The following BAALC variants were observed in gnomAD, a reference collection of about 807,000 sequenced individuals.
BAALC encodes brain and acute leukemia cytoplasmic protein.
In BAALC, 9 loss-of-function variants were observed where a neutral mutation model predicts 15.5. The observed-to-expected ratio is 0.58, with a 90% CI of 0.35 to 1.02. BAALC has a LOEUF of 1.02. Among genes scored for constraint, BAALC ranks in the 50% least tolerant of loss-of-function variants. BAALC has a pLI of 0.02. For missense variants in BAALC, 201 were observed against 192.4 expected (o/e 1.04, Z -0.27); for synonymous variants, 80 against 74.6 (o/e 1.07, Z -0.37).
At chr8:103,148,982 C>T (rs550862981) in intron 1 of BAALC, among the ~76,000 whole-genome samples, 85 of 152,274 alleles carry the variant, frequency 5.6e-4, no homozygotes, top group African/African-American at 1.5e-3. Flanking sequence ...TATCACCCTC[C>T]GAAATAACCT....
intron 1 of BAALC, among the ~76,000 whole-genome samples, chr8:103,210,120 C>T (rs1286747089): frequency 6.6e-6 from 1 of 152,184 alleles, no homozygotes; most frequent in Non-Finnish European, 1.5e-5. Context: ...TGTTCATACA[C>T]ATGCATCTCA....
intron 1 of BAALC, among the ~76,000 whole-genome samples, chr8:103,155,330 T>A (rs1448798643): frequency 6.6e-6 from 1 of 151,912 alleles, no homozygotes; most frequent in East Asian, 1.9e-4. Flanking sequence ...AATGTAATAA[T>A]AATTCAGTCA....
chr8:103,152,784 G>A (rs1203576092), intron 1 of BAALC, among the ~76,000 whole-genome samples: 3 of 152,174 alleles, frequency 2.0e-5, no homozygotes, highest in South Asian at 2.1e-4. Flanking sequence ...ACCCAGTCAC[G>A]GACACTGTGG....
intron 1 of BAALC, among the ~76,000 whole-genome samples, chr8:103,147,588 G>T (rs1810903809): frequency 6.6e-6 from 1 of 152,042 alleles, no homozygotes; most frequent in Non-Finnish European, 1.5e-5. Flanking sequence ...TGGACTCCTG[G>T]AGGTCCAACC....
At chr8:103,226,031 G>A (rs1478081154) in intron 2 of BAALC, among the ~76,000 whole-genome samples, 4 of 152,176 alleles carry the variant, frequency 2.6e-5, no homozygotes, top group African/African-American at 7.2e-5. Flanking sequence ...GTGTTCAGGG[G>A]CCATGTTGTT....
At chr8:103,172,152 G>C (rs1811510891) in intron 1 of BAALC, 1 of 151,370 alleles carries the variant, frequency 6.6e-6, no homozygotes, top group South Asian at 2.1e-4. Context: ...TGTTTCCATG[G>C]GGAAGTGTTT....
chr8:103,170,442 TA>T (rs1811457355), intron 1 of BAALC, among the ~76,000 whole-genome samples: 5 of 152,294 alleles, frequency 3.3e-5, no homozygotes, highest in African/African-American at 1.2e-4. Context: ...TATATGATAT[TA>T]AGGTGAACCT....
chr8:103,192,933 C>A (rs1325558209), intron 1 of BAALC, among the ~76,000 whole-genome samples: 1 of 152,212 alleles, frequency 6.6e-6, no homozygotes, highest in Non-Finnish European at 1.5e-5. Context: ...CCACCAGGGA[C>A]AAGGAATGAG....
At chr8:103,148,891 G>C (rs1482852767) in intron 1 of BAALC, among the ~76,000 whole-genome samples, 1 of 152,146 alleles carries the variant, frequency 6.6e-6, no homozygotes, top group Non-Finnish European at 1.5e-5. Context: ...TTTCCTGGCT[G>C]TTTAGATTCA....
intron 1 of BAALC, among the ~76,000 whole-genome samples, 155 bp from the exon 2 acceptor site, chr8:103,212,764 A>T (rs1477345313): frequency 1.3e-5 from 2 of 152,222 alleles, no homozygotes; most frequent in African/African-American, 4.8e-5. Context: ...TAAAAAGCAT[A>T]TATGTTCTTA....
At chr8:103,159,773 A>G (rs1316689704) in intron 1 of BAALC, among the ~76,000 whole-genome samples, 4 of 151,998 alleles carry the variant, frequency 2.6e-5, no homozygotes, top group Non-Finnish European at 4.4e-5. Context: ...ATGTTTTTAT[A>G]GGCTCATTCT....
At chr8:103,177,013 A>G (rs1166626539) in intron 1 of BAALC, among the ~76,000 whole-genome samples, 1 of 152,102 alleles carries the variant, frequency 6.6e-6, no homozygotes, top group African/African-American at 2.4e-5. Context: ...AAATTTAGAC[A>G]AAGTATGCTT....
intron 1 of BAALC, among the ~76,000 whole-genome samples, chr8:103,181,040 G>A (rs939776909): frequency 1.3e-5 from 2 of 152,102 alleles, no homozygotes; most frequent in East Asian, 1.9e-4. Context: ...TAGGTTTCGT[G>A]ATGAGGTTTT....
At chr8:103,181,770 T>C (rs36016728) in intron 1 of BAALC, among the ~76,000 whole-genome samples, 17,608 of 152,190 alleles carry the variant, frequency 0.12, 1,300 homozygotes, top group East Asian at 0.34. Flanking sequence ...TATTAGCAGT[T>C]TCTATGGGCC....
chr8:103,152,605 G>A (rs533389032), intron 1 of BAALC, among the ~76,000 whole-genome samples: 1 of 152,366 alleles, frequency 6.6e-6, no homozygotes, highest in African/African-American at 2.4e-5. Context: ...GCTTAGAACA[G>A]TGCCCAGCAC....
At chr8:103,179,697 G>C (rs1811683814) in intron 1 of BAALC, among the ~76,000 whole-genome samples, 1 of 152,238 alleles carries the variant, frequency 6.6e-6, no homozygotes, top group African/African-American at 2.4e-5. Context: ...AAACTTTGTG[G>C]GTACCAATTA....
chr8:103,200,467 A>T (rs1267232792), intron 1 of BAALC, among the ~76,000 whole-genome samples: 2 of 152,210 alleles, frequency 1.3e-5, no homozygotes, highest in African/African-American at 4.8e-5. Flanking sequence ...TAAGGTCAGA[A>T]AATGTCAAGG....
At chr8:103,149,084 G>A (rs573419414) in intron 1 of BAALC, among the ~76,000 whole-genome samples, 41 of 152,356 alleles carry the variant, frequency 2.7e-4, no homozygotes, top group Admixed American at 3.9e-4. Flanking sequence ...GGAAGTGGGA[G>A]AGCTAGGATC....
At chr8:103,181,741 T>C (rs1811735027) in intron 1 of BAALC, among the ~76,000 whole-genome samples, 5 of 152,224 alleles carry the variant, frequency 3.3e-5, no homozygotes, top group Admixed American at 3.3e-4. Context: ...TAATAGTAGC[T>C]GATATTAAAA....
Sources: gnomAD v4.1 joint callset for allele counts (sites outside exome capture counted in the v4.1 genomes callset) on GRCh38, gnomAD v4.1.1 for gene constraint, MANE v1.5 for transcripts, NCBI Gene and HGNC (gene_info 2026-07-23, HGNC 2026-07-21) for gene names.